MAPKAP1: variants seen among roughly 807,000 people sequenced by gnomAD.
The protein encoded by MAPKAP1 is MAPK associated protein 1, also known as target of rapamycin complex 2 subunit MAPKAP1.
In MAPKAP1, 20 loss-of-function variants were observed where a neutral mutation model predicts 65.7. The ratio of observed to expected loss-of-function variants is 0.30; its 90% CI spans 0.21 to 0.44. The LOEUF is 0.44. Ranked by LOEUF, MAPKAP1 falls within the 20% of genes least tolerant of loss-of-function variation. The pLI is 1.00. For synonymous variants in MAPKAP1, 222 were observed against 244.3 expected (o/e 0.91, Z 0.85); for missense variants, 423 against 648.0 (o/e 0.65, Z 3.77).
rs974423721 is a variant in MAPKAP1, at chr9:125,447,561, C to T, written c.1346-2963G>A. 1.5e-4 allele frequency: 67 copies of T among 441,416 alleles called. No individual in the cohort carries two copies. The highest frequency in any genetic ancestry group is 7.7e-4 in the African/African-American group (38 of 49,464). 27.3% of individuals were successfully genotyped at this position (441,416 alleles called of 1,614,324 possible). A position where few individuals can be genotyped will look rare whatever the true frequency, so the allele number is the denominator to read the frequency against. The stretch of plus-strand genomic sequence containing the variant: ...ACATGGGGCGGACTCACTCCGCGGG[C>T]GTTTCTGCCCCGAGTTCCCCTCGCT... On this transcript the variant is annotated intron_variant, in intron 10 of 11. Transcript: ENST00000265960. The surrounding 1 kb of genome is among the most constrained non-coding windows in gnomAD (Gnocchi z 4.5).
At chr9:125,680,087 T>G (rs1834776363) in intron 1 of MAPKAP1, among the ~76,000 whole-genome samples, 1 of 115,112 alleles carries the variant, frequency 8.7e-6, no homozygotes, top group African/African-American at 4.2e-5. Flanking sequence ...AGATGCGAGA[T>G]TTTTTTTTTT....
intron 9 of MAPKAP1, among the ~76,000 whole-genome samples, chr9:125,474,480 C>T (rs1394965409): frequency 6.6e-6 from 1 of 152,178 alleles, no homozygotes; most frequent in Admixed American, 6.5e-5. Flanking sequence ...AAAGTCACTG[C>T]TCCCTTGGTG....
At chr9:125,623,704 T>TGGGCG (rs1241770259) in intron 4 of MAPKAP1, among the ~76,000 whole-genome samples, 4 of 6,308 alleles carry the variant, frequency 6.3e-4, no homozygotes, top group Non-Finnish European at 5.9e-3. Flanking sequence ...GGGAGGGAGG[T>TGGGCG]GGGGGGGGGG....
chr9:125,516,165 T>C, intron 7 of MAPKAP1, among the ~76,000 whole-genome samples: 1 of 152,324 alleles, frequency 6.6e-6, no homozygotes, highest in African/African-American at 2.4e-5. Context: ...GACAAATCAC[T>C]TTCAAACCAC....
chr9:125,444,268 G>T (rs1055150258), intron 11 of MAPKAP1, among the ~76,000 whole-genome samples: 3 of 152,240 alleles, frequency 2.0e-5, no homozygotes, highest in Admixed American at 1.3e-4. Context: ...AACTGAAAAG[G>T]GTCCTGCTTT....
chr9:125,645,598 G>C (rs966342857), intron 4 of MAPKAP1, among the ~76,000 whole-genome samples: 1 of 152,014 alleles, frequency 6.6e-6, no homozygotes, highest in African/African-American at 2.4e-5. Flanking sequence ...TTAGCCAGGC[G>C]TGGTGGCAGG....
At chr9:125,672,116 AAT>A in intron 2 of MAPKAP1, among the ~76,000 whole-genome samples, 198 bp downstream of exon 2, 1 of 152,074 alleles carries the variant, frequency 6.6e-6, no homozygotes, top group Non-Finnish European at 1.5e-5. Flanking sequence ...GTCTACTTCT[AAT>A]AATATTCTAG....
At chr9:125,542,951 A>C (rs753002787) in intron 7 of MAPKAP1, 108 bp downstream of exon 7, 1 of 837,158 alleles carries the variant, frequency 1.2e-6, no homozygotes, top group Non-Finnish European at 2.1e-6. Context: ...ACCTTCTAGC[A>C]ATGACATCTG....
intron 7 of MAPKAP1, among the ~76,000 whole-genome samples, chr9:125,537,326 G>A (rs522894): frequency 0.12 from 18,532 of 152,110 alleles, 1,483 homozygotes; most frequent in Non-Finnish European, 0.18. Flanking sequence ...CTTCAAACCA[G>A]GCATAATAAA....
At chr9:125,696,600 T>C (rs1420885480) in intron 1 of MAPKAP1, among the ~76,000 whole-genome samples, 1 of 151,154 alleles carries the variant, frequency 6.6e-6, no homozygotes, top group Non-Finnish European at 1.5e-5. Flanking sequence ...GTCTTATAAA[T>C]GCATATATGA....
At chr9:125,547,155 T>C (rs960180474) in intron 6 of MAPKAP1, among the ~76,000 whole-genome samples, 12 of 152,154 alleles carry the variant, frequency 7.9e-5, no homozygotes, top group Non-Finnish European at 7.3e-5. Flanking sequence ...GCACAGCCAC[T>C]CAGTTACCCC....
intron 1 of MAPKAP1, among the ~76,000 whole-genome samples, chr9:125,687,781 C>A (rs1342977704): frequency 6.6e-6 from 1 of 152,130 alleles, no homozygotes; most frequent in East Asian, 1.9e-4. Context: ...GAGACCCTCT[C>A]TCTTAAATTT....
intron 9 of MAPKAP1, among the ~76,000 whole-genome samples, chr9:125,479,363 T>C (rs1854222746): frequency 6.6e-6 from 1 of 152,140 alleles, no homozygotes; most frequent in African/African-American, 2.4e-5. Flanking sequence ...GTGGGTCACC[T>C]GAGGTCAAGA....
chr9:125,459,873 G>GGGAGAGGGAGAA (rs1304674034), intron 10 of MAPKAP1, among the ~76,000 whole-genome samples: 39 of 146,664 alleles, frequency 2.7e-4, no homozygotes, highest in African/African-American at 9.1e-4. Flanking sequence ...GAGAGGGAGA[G>GGGAGAGGGAGAA]GGACGCATAT....
chr9:125,477,111 C>G (rs983055069), intron 9 of MAPKAP1, among the ~76,000 whole-genome samples: 1 of 152,126 alleles, frequency 6.6e-6, no homozygotes, highest in African/African-American at 2.4e-5. Context: ...ACCATGGAAC[C>G]TTTTGGTAGA....
intron 3 of MAPKAP1, among the ~76,000 whole-genome samples, chr9:125,660,045 T>C (rs1288994894): frequency 6.6e-6 from 1 of 152,172 alleles, no homozygotes; most frequent in African/African-American, 2.4e-5. Flanking sequence ...CTCCACTCTA[T>C]CTGGCTTTTA....
chr9:125,694,555 C>A (rs1835327660), intron 1 of MAPKAP1, among the ~76,000 whole-genome samples: 2 of 152,090 alleles, frequency 1.3e-5, no homozygotes, highest in Non-Finnish European at 2.9e-5. Context: ...ATGCATAATG[C>A]AAATTACAAA....
intron 1 of MAPKAP1, among the ~76,000 whole-genome samples, chr9:125,680,523 ATCT>A (rs1834791528): frequency 6.6e-6 from 1 of 152,230 alleles, no homozygotes; most frequent in Admixed American, 6.5e-5. Context: ...GGGAATTAAA[ATCT>A]TCTCCATGTG....
chr9:125,509,343 G>A (rs1318931025), intron 7 of MAPKAP1, among the ~76,000 whole-genome samples: 4 of 152,154 alleles, frequency 2.6e-5, no homozygotes, highest in African/African-American at 9.7e-5. Context: ...CCTAAAATGT[G>A]AATAGTAGTT....
Sources: allele counts gnomAD v4.1 joint callset (sites outside exome capture counted in the v4.1 genomes callset), GRCh38; gene constraint gnomAD v4.1.1; non-coding constraint Gnocchi (gnomAD v3.1); transcripts MANE v1.5; gene names NCBI Gene and HGNC (gene_info 2026-07-23, HGNC 2026-07-21).